Variants in FHL5 observed in about 807,000 individuals in gnomAD.
FHL5 encodes four and a half LIM domains protein 5.
FHL5 carries 33 observed loss-of-function variants against 32.0 expected under a neutral mutation model. The ratio of observed to expected loss-of-function variants is 1.03; its 90% confidence interval spans 0.78 to 1.38. The LOEUF is 1.38. Among genes scored for constraint, FHL5 ranks in the 40% most tolerant of loss-of-function variants. The pLI is 0.00. For synonymous variants in FHL5, 114 were observed against 113.6 expected, an observed-to-expected ratio of 1.00 and a Z score of -0.02; for missense variants, 336 against 343.9, an observed-to-expected ratio of 0.98 and a Z score of 0.18.
At chr6:96,576,454 G>A (rs1476688305) in intron 1 of FHL5, among the ~76,000 whole-genome samples, 1 of 152,200 alleles carries the variant, frequency 6.6e-6, no homozygotes, top group Non-Finnish European at 1.5e-5. Flanking sequence ...TCTTGCAGAA[G>A]AGTGACGGAG....
At chr6:96,581,576 T>C (rs1770697426) in intron 1 of FHL5, among the ~76,000 whole-genome samples, 1 of 152,144 alleles carries the variant, frequency 6.6e-6, no homozygotes. Flanking sequence ...AATGGCAGAT[T>C]ATACTTCTTA....
chr6:96,584,854 C>T (rs1770766835), intron 1 of FHL5, among the ~76,000 whole-genome samples: 1 of 152,068 alleles, frequency 6.6e-6, no homozygotes, highest in Admixed American at 6.6e-5. Context: ...AATAATGCTT[C>T]TAAGGTAGAA....
chr6:96,596,593 T>C (rs796657540), intron 1 of FHL5, among the ~76,000 whole-genome samples: 36 of 148,238 alleles, frequency 2.4e-4, no homozygotes, highest in African/African-American at 9.1e-4. Flanking sequence ...CATGCATTTA[T>C]CCGTGAGTTT....
At chr6:96,573,827 A>T (rs1770532938) in intron 1 of FHL5, among the ~76,000 whole-genome samples, 1 of 151,998 alleles carries the variant, frequency 6.6e-6, no homozygotes, top group Non-Finnish European at 1.5e-5. Flanking sequence ...GGCCCAAAAT[A>T]TTCTAATTTT....
chr6:96,607,848 C>G (rs1486849478), intron 4 of FHL5, among the ~76,000 whole-genome samples: 1 of 151,704 alleles, frequency 6.6e-6, no homozygotes, highest in Non-Finnish European at 1.5e-5. Context: ...AAAAATTAGC[C>G]AAGTATGGTG....
Position 96,598,090 on chromosome 6 carries a change from A to G in FHL5, c.-12-5512A>G, listed in dbSNP as rs185099097. ...TTTCTAAAATTACCCCAAATGTGGT[A>G]GAGACTGCCCTTTGCCTGCTTCCAC... On this transcript the variant is annotated intron_variant, in intron 1 of 5. Coordinates refer to ENST00000450218, the MANE Select transcript of FHL5 (RefSeq NM_001322466.2). 2.0e-4 allele frequency among the ~76,000 whole-genome samples: 31 copies of G among 152,340 alleles called. No homozygotes were observed. In the East Asian group the frequency reaches 5.6e-3, roughly 28 times the overall value.
At chr6:96,595,261 A>C (rs1349835878) in intron 1 of FHL5, among the ~76,000 whole-genome samples, 1 of 151,818 alleles carries the variant, frequency 6.6e-6, no homozygotes, top group African/African-American at 2.4e-5. Context: ...TCTAGAGTTT[A>C]CTTATTTTCT....
At position 96,565,582 on chromosome 6, in the gene FHL5, A is replaced by C. The variant is rs192450404; in HGVS notation, c.-13+2227A>C. Reference sequence around the variant, plus strand: ...CTTTGCATATTCATTTTGCCAAAGGAATACTCACCAAATGGATCCTGAGTA... The same window carrying C: ...CTTTGCATATTCATTTTGCCAAAGGCATACTCACCAAATGGATCCTGAGTA... On this transcript the variant is annotated intron_variant, in intron 1 of 5. Coordinates refer to ENST00000450218, the MANE Select transcript of FHL5 (RefSeq NM_001322466.2). Among the ~76,000 whole-genome samples, 456 of 152,284 alleles carry C rather than the reference A, an allele frequency of 3.0e-3. 1 individual carries two copies. The highest frequency in any genetic ancestry group is 5.1e-3 in the Non-Finnish European group (344 of 68,014).
At chr6:96,563,558 A>T (rs974391853) in intron 1 of FHL5, among the ~76,000 whole-genome samples, 1 of 152,108 alleles carries the variant, frequency 6.6e-6, no homozygotes, top group African/African-American at 2.4e-5. Flanking sequence ...TGAGCTTTTC[A>T]GATTTCTCAT....
At chr6:96,612,538 C>A (rs1771432613) in intron 5 of FHL5, among the ~76,000 whole-genome samples, 1 of 152,070 alleles carries the variant, frequency 6.6e-6, no homozygotes, top group African/African-American at 2.4e-5. Context: ...TGATTTTTTT[C>A]ATAGATTGTT....
At chr6:96,589,555 C>T (rs1770872286) in intron 1 of FHL5, among the ~76,000 whole-genome samples, 2 of 151,734 alleles carry the variant, frequency 1.3e-5, no homozygotes, top group African/African-American at 2.4e-5. Flanking sequence ...CTTATTGATT[C>T]GTAGGACTTC....
At chr6:96,584,461 T>TG (rs1770757947) in intron 1 of FHL5, among the ~76,000 whole-genome samples, 17 of 85,202 alleles carry the variant, frequency 2.0e-4, no homozygotes, top group Non-Finnish European at 3.0e-4. Flanking sequence ...GTGTGTGTGT[T>TG]TGTGTGTGTG....
At chr6:96,607,752 G>A (rs879804519) in intron 4 of FHL5, among the ~76,000 whole-genome samples, 2 of 152,048 alleles carry the variant, frequency 1.3e-5, no homozygotes, top group Non-Finnish European at 2.9e-5. Context: ...GAAAGCCAAG[G>A]TGGGAAGATT....
chr6:96,563,090 T>C (rs571580163), upstream of FHL5: 1 of 152,294 alleles, frequency 6.6e-6, no homozygotes, highest in Non-Finnish European at 1.5e-5. Flanking sequence ...TTACTCATAG[T>C]TTTAAGTAAA....
At chr6:96,586,464 G>A (rs1184952742) in intron 1 of FHL5, among the ~76,000 whole-genome samples, 4 of 152,126 alleles carry the variant, frequency 2.6e-5, no homozygotes, top group African/African-American at 9.7e-5. Context: ...GTCTCTATCA[G>A]AGCAACATAA....
chr6:96,612,888 T>G (rs1771441765), intron 5 of FHL5, among the ~76,000 whole-genome samples: 1 of 152,182 alleles, frequency 6.6e-6, no homozygotes, highest in Non-Finnish European at 1.5e-5. Flanking sequence ...TTTGAACTGA[T>G]GTACCATTGG....
intron 1 of FHL5, among the ~76,000 whole-genome samples, chr6:96,596,222 C>A (rs1295040142): frequency 1.3e-5 from 2 of 151,980 alleles, no homozygotes; most frequent in African/African-American, 2.4e-5. Flanking sequence ...AGAGTGTTAA[C>A]CTTTCTAGTT....
chr6:96,593,086 A>G (rs1195893731), intron 1 of FHL5, among the ~76,000 whole-genome samples: 2 of 151,576 alleles, frequency 1.3e-5, no homozygotes, highest in Non-Finnish European at 2.9e-5. Context: ...TTTCTATTTT[A>G]TCATCTTTTT....
intron 1 of FHL5, among the ~76,000 whole-genome samples, chr6:96,574,760 T>A (rs553306011): frequency 6.6e-6 from 1 of 152,332 alleles, no homozygotes; most frequent in South Asian, 2.1e-4. Flanking sequence ...AGAGTCACTA[T>A]TCCAAATAAT....
Sources: allele counts gnomAD v4.1 joint callset (sites outside exome capture counted in the v4.1 genomes callset), GRCh38; gene constraint gnomAD v4.1.1; transcripts MANE v1.5; gene names NCBI Gene and HGNC (gene_info 2026-07-23, HGNC 2026-07-21).